SULF2: variants seen among roughly 807,000 people sequenced by gnomAD.
The protein encoded by SULF2 is extracellular sulfatase Sulf-2.
Under a neutral mutation model 107.7 loss-of-function variants are expected in SULF2, and 52 were observed. The observed-to-expected ratio is 0.48, with a 90% CI of 0.39 to 0.61. The LOEUF (loss-of-function observed/expected upper bound fraction) is 0.61. Ranked by LOEUF, SULF2 falls within the 20% of genes least tolerant of loss-of-function variation. SULF2 has a pLI of 0.00. For synonymous variants in SULF2, 460 were observed against 464.3 expected (o/e 0.99, Z 0.12); for missense variants, 993 against 1,177.3 (o/e 0.84, Z 2.29).
Position 47,664,215 on chromosome 20 carries a change from G to A in SULF2, c.1998-26C>T, listed in dbSNP as rs373165909. 1.1e-3 allele frequency: 1,804 copies of A among 1,605,870 alleles called. 1 individual carries two copies. Among genetic ancestry groups the A allele is most frequent in the South Asian group, 3.4e-3 (305 of 89,662 alleles). ...CTGTAACAGACCCCCCCAGCCCCAG[G>A]CTTCAGGAGTGGCTCAGAGGGCTCC... On this transcript the variant is annotated intron_variant, in intron 14 of 20. Coordinates refer to ENST00000688720, the MANE Select transcript of SULF2 (RefSeq NM_001387048.1).
At chr20:47,711,168 A>G (rs1937796200) in intron 3 of SULF2, among the ~76,000 whole-genome samples, 1 of 152,202 alleles carries the variant, frequency 6.6e-6, no homozygotes, top group Non-Finnish European at 1.5e-5. Flanking sequence ...TGTCCCCGCC[A>G]TGCCGGGCCG....
At chr20:47,700,394 C>G (rs1203205323) in intron 4 of SULF2, among the ~76,000 whole-genome samples, 1 of 152,174 alleles carries the variant, frequency 6.6e-6, no homozygotes, top group Non-Finnish European at 1.5e-5. Flanking sequence ...TGGCCCTTTA[C>G]AGAAAATATT....
chr20:47,697,760 G>A (rs115815244), intron 4 of SULF2, among the ~76,000 whole-genome samples: 209 of 152,336 alleles, frequency 1.4e-3, no homozygotes, highest in African/African-American at 4.7e-3. Context: ...GCAAAAGGAC[G>A]GACGTTCTAT....
chr20:47,761,109 T>C (rs1158847295), intron 1 of SULF2, among the ~76,000 whole-genome samples: 1 of 152,196 alleles, frequency 6.6e-6, no homozygotes, highest in African/African-American at 2.4e-5. Flanking sequence ...TTCCACAATG[T>C]AAACCATTAT....
chr20:47,708,017 C>T (rs2088805648), intron 3 of SULF2, among the ~76,000 whole-genome samples: 3 of 152,102 alleles, frequency 2.0e-5, no homozygotes, highest in Non-Finnish European at 4.4e-5. Flanking sequence ...GTCCCACTGC[C>T]CTAGGGAAGG....
intron 2 of SULF2, among the ~76,000 whole-genome samples, chr20:47,754,506 T>C (rs1295428379): frequency 7.8e-6 from 1 of 127,950 alleles, no homozygotes; most frequent in Non-Finnish European, 1.7e-5. Flanking sequence ...CAAAACCCAG[T>C]GCTGCTGGTG....
chr20:47,744,445 C>G (rs1437939214), intron 2 of SULF2, among the ~76,000 whole-genome samples: 1 of 152,108 alleles, frequency 6.6e-6, no homozygotes, highest in Non-Finnish European at 1.5e-5. Context: ...ATAAATGCAG[C>G]AAGAGGGCCA....
intron 11 of SULF2, among the ~76,000 whole-genome samples, chr20:47,669,048 G>A (rs1171476135): frequency 2.6e-5 from 4 of 152,284 alleles, no homozygotes; most frequent in Admixed American, 1.3e-4. Context: ...TCCCGCCACC[G>A]CTGCGTCTCC....
At chr20:47,731,552 G>A (rs760231452) in intron 3 of SULF2, among the ~76,000 whole-genome samples, 8 of 152,056 alleles carry the variant, frequency 5.3e-5, no homozygotes, top group Non-Finnish European at 8.8e-5. Context: ...GTTCCTGTCC[G>A]TTGGATCTAA....
At chr20:47,754,321 A>G (rs1802542492) in intron 2 of SULF2, among the ~76,000 whole-genome samples, 1 of 152,238 alleles carries the variant, frequency 6.6e-6, no homozygotes, top group South Asian at 2.1e-4. Context: ...ATGGGCAGAA[A>G]ATAGCAAATG....
chr20:47,746,984 A>AAT (rs1555853815), intron 2 of SULF2, among the ~76,000 whole-genome samples: 98 of 29,396 alleles, frequency 3.3e-3, no homozygotes, highest in South Asian at 0.032. Context: ...TAAATAAATA[A>AAT]AAAAAAAAAA....
At chr20:47,750,992 C>T (rs563853457) in intron 2 of SULF2, among the ~76,000 whole-genome samples, 1 of 152,286 alleles carries the variant, frequency 6.6e-6, no homozygotes, top group South Asian at 2.1e-4. Context: ...GGTTGATCGC[C>T]CCTCCTGGCT....
chr20:47,707,294 A>G (rs1228123393), intron 3 of SULF2, among the ~76,000 whole-genome samples: 1 of 151,972 alleles, frequency 6.6e-6, no homozygotes, highest in Non-Finnish European at 1.5e-5. Flanking sequence ...CGGCAGTTTT[A>G]TTATTTTTTA....
chr20:47,675,793 C>T (rs995011863), intron 10 of SULF2, among the ~76,000 whole-genome samples: 44 of 148,964 alleles, frequency 3.0e-4, no homozygotes, highest in African/African-American at 1.0e-3. Context: ...GCTTTCCAGC[C>T]TCAGAAAAGC....
At chr20:47,732,461 C>T (rs140379704) in intron 3 of SULF2, among the ~76,000 whole-genome samples, 26 of 152,332 alleles carry the variant, frequency 1.7e-4, no homozygotes, top group Middle Eastern at 3.4e-3. Flanking sequence ...ACAACTTTGA[C>T]TTGTGGATAT....
intron 1 of SULF2, among the ~76,000 whole-genome samples, chr20:47,761,613 C>T (rs1488534064): frequency 1.3e-5 from 2 of 152,354 alleles, no homozygotes; most frequent in South Asian, 2.1e-4. Flanking sequence ...TGCCCTCGCG[C>T]TCGCACTCTC....
rs914584986 is a variant in SULF2 at position 47,755,030 on chromosome 20, G to A, written c.175+2159C>T. 2.7e-5 allele frequency among the ~76,000 whole-genome samples: 4 copies of A among 147,072 alleles called. No homozygotes were observed. In the South Asian group the frequency reaches 8.7e-4, roughly 32 times the overall value. On this transcript the variant is annotated intron_variant, in intron 2 of 20. Transcript: ENST00000688720. ...TACATTTTTTGTTAAGACGGGGGGG[G>A]TCTCACTATGTTGCCCAGGCTGGTC...
chr20:47,717,524 G>GGGAC (rs2089161021), intron 3 of SULF2, among the ~76,000 whole-genome samples: 1 of 152,168 alleles, frequency 6.6e-6, no homozygotes. Flanking sequence ...GCTAAAGGTG[G>GGGAC]GGACACACAC....
intron 11 of SULF2, among the ~76,000 whole-genome samples, chr20:47,667,936 G>A (rs559869749): frequency 6.6e-6 from 1 of 152,340 alleles, no homozygotes; most frequent in South Asian, 2.1e-4. Flanking sequence ...TTGCATCAGA[G>A]TCACAAGGGC....
Sources: gnomAD v4.1 joint callset for allele counts (sites outside exome capture counted in the v4.1 genomes callset) on GRCh38, gnomAD v4.1.1 for gene constraint, MANE v1.5 for transcripts, NCBI Gene and HGNC (gene_info 2026-07-23, HGNC 2026-07-21) for gene names.